CERT1: variants seen among roughly 807,000 people sequenced by gnomAD.
The protein encoded by CERT1 is ceramide transfer protein.
A neutral mutation model predicts 87.9 loss-of-function variants in CERT1; 31 were observed. That is an observed-to-expected ratio of 0.35 (90% CI 0.27 to 0.48). The LOEUF (loss-of-function observed/expected upper bound fraction) is 0.48. CERT1 is among the 20% of genes least tolerant of loss of function. CERT1 has a pLI of 0.99. For missense variants in CERT1, 487 were observed against 758.0 expected (o/e 0.64, Z 4.20); for synonymous variants, 289 against 250.9 (o/e 1.15, Z -1.44).
At chr5:75,429,869 A>G (rs1474841342) in intron 3 of CERT1, among the ~76,000 whole-genome samples, 7 of 152,046 alleles carry the variant, frequency 4.6e-5, no homozygotes, top group African/African-American at 1.7e-4. Context: ...GCAAGGGTAA[A>G]AAGAATAGTA....
chr5:75,449,006 G>A (rs1764668286), intron 3 of CERT1, among the ~76,000 whole-genome samples: 1 of 152,026 alleles, frequency 6.6e-6, no homozygotes, highest in South Asian at 2.1e-4. Context: ...TTGAAAATCT[G>A]GTAAACTCTA....
At chr5:75,381,599 G>C (rs754764225) in intron 15 of CERT1, among the ~76,000 whole-genome samples, 13 of 152,092 alleles carry the variant, frequency 8.5e-5, no homozygotes, top group Non-Finnish European at 1.5e-4. Context: ...CTCTTAAGTA[G>C]TAAATGGAGC....
chr5:75,478,417 T>C (rs1766073807), intron 2 of CERT1, among the ~76,000 whole-genome samples: 1 of 152,168 alleles, frequency 6.6e-6, no homozygotes. Context: ...CAAATTAAGA[T>C]GTCACAGGTG....
intron 2 of CERT1, among the ~76,000 whole-genome samples, chr5:75,463,495 G>T (rs1307108918): frequency 6.6e-6 from 1 of 151,962 alleles, no homozygotes; most frequent in Non-Finnish European, 1.5e-5. Context: ...ATTTCAAAAG[G>T]TGAATAAATC....
At chr5:75,371,250 G>T (rs1412841740) in intron 17 of CERT1, 2 of 152,054 alleles carry the variant, frequency 1.3e-5, no homozygotes, top group Non-Finnish European at 2.9e-5. Context: ...ACACTCCCAA[G>T]GTACTTTAAA....
In CERT1 at chr5:75,402,963, T is replaced by C. The variant is rs752275655; in HGVS notation, c.1017+9A>G. 14 of 1,554,648 alleles carry C rather than the reference T, an allele frequency of 9.0e-6. No individual in the cohort carries two copies. The highest frequency in any genetic ancestry group is 1.7e-4 in the Middle Eastern group (1 of 5,942). On this transcript the variant is annotated intron_variant, in intron 9 of 16. Coordinates refer to ENST00000643780, the MANE Select transcript of CERT1 (RefSeq NM_001379029.1). ...AATTTCAGCTTAGAATTTTCAATAA[T>C]AGATATACCTGTTCTTCTATTTTAT...
intron 5 of CERT1, among the ~76,000 whole-genome samples, chr5:75,422,268 T>C (rs1391823866): frequency 6.6e-6 from 1 of 152,114 alleles, no homozygotes; most frequent in Non-Finnish European, 1.5e-5. Context: ...ACATTAAATC[T>C]TCCTCTCAAA....
intron 3 of CERT1, among the ~76,000 whole-genome samples, chr5:75,430,670 AT>A (rs370637200): frequency 6.6e-5 from 10 of 152,158 alleles, no homozygotes; most frequent in African/African-American, 2.2e-4. Context: ...AAAGAAAAAA[AT>A]GTAAGCTTGT....
intron 2 of CERT1, among the ~76,000 whole-genome samples, chr5:75,476,693 T>G (rs1324636489): frequency 6.6e-6 from 1 of 152,218 alleles, no homozygotes; most frequent in African/African-American, 2.4e-5. Flanking sequence ...AAATGATAAC[T>G]TGTTGGATAT....
intron 3 of CERT1, among the ~76,000 whole-genome samples, chr5:75,437,086 C>T (rs893184968): frequency 2.6e-5 from 4 of 152,136 alleles, no homozygotes; most frequent in African/African-American, 9.7e-5. Context: ...GTAACTGGCC[C>T]AGTATGAAGT....
chr5:75,470,298 C>T (rs541966219), intron 2 of CERT1, among the ~76,000 whole-genome samples: 26 of 152,218 alleles, frequency 1.7e-4, no homozygotes, highest in Admixed American at 1.6e-3. Flanking sequence ...TGTTAGACCA[C>T]AAAACAAATC....
chr5:75,494,861 A>G (rs949063298), intron 2 of CERT1, among the ~76,000 whole-genome samples: 1 of 152,186 alleles, frequency 6.6e-6, no homozygotes, highest in South Asian at 2.1e-4. Flanking sequence ...TCTTTTCTTC[A>G]TAAGAAGATA....
intron 2 of CERT1, among the ~76,000 whole-genome samples, chr5:75,482,177 C>T (rs1190831578): frequency 6.6e-6 from 1 of 152,056 alleles, no homozygotes; most frequent in Non-Finnish European, 1.5e-5. Flanking sequence ...GAAGGGAGCT[C>T]GCTACCCTAA....
intron 3 of CERT1, among the ~76,000 whole-genome samples, chr5:75,452,142 AAAGGG>A (rs1764792892): frequency 6.6e-6 from 1 of 152,192 alleles, no homozygotes; most frequent in African/African-American, 2.4e-5. Context: ...TGGCCTTCAC[AAAGGG>A]TAAGAACAAT....
chr5:75,503,837 ATTTTTTGTTTAAT>A (rs1767501662), intron 2 of CERT1, among the ~76,000 whole-genome samples: 3 of 146,220 alleles, frequency 2.1e-5, no homozygotes, highest in African/African-American at 2.5e-5. Context: ...TAAAATTTAA[ATTTTTTGTTTAAT>A]TTAAATTAAA....
Position 75,511,470 on chromosome 5 carries a change from G to A in CERT1, c.-263C>T, listed in dbSNP as rs1343900032. 9 of 1,513,628 alleles carry A rather than the reference G, an allele frequency of 5.9e-6. No individual in the cohort carries two copies. In the South Asian group the frequency reaches 7.4e-5, roughly 13 times the overall value. The allele number at this position is 1,513,628 out of a possible 1,614,324, so 93.8% of individuals were successfully genotyped here. On this transcript the variant is annotated 5_prime_UTR_variant, in exon 1 of 17. Coordinates refer to ENST00000643780, the MANE Select transcript of CERT1 (RefSeq NM_001379029.1). ...CGCCGCCGCCGTCGCCGTGACCCCT[G>A]CGTTGCGCCCGGCGCTGCCACCCGA...
Position 75,502,736 on chromosome 5 carries a change from T to C in CERT1, c.231+3246A>G, listed in dbSNP as rs1580865015. On this transcript the variant is annotated intron_variant, in intron 2 of 16. Transcript: ENST00000643780. Reference sequence around the variant, plus strand: ...TTAAACTTTTTAATGCCACAAATTATATTTTTTATCATGTGCACTTTATTT... The same window carrying C: ...TTAAACTTTTTAATGCCACAAATTACATTTTTTATCATGTGCACTTTATTT... 2.0e-5 allele frequency among the ~76,000 whole-genome samples: 3 copies of C among 152,146 alleles called. No individual in the cohort carries two copies. The South Asian group carries it at 6.2e-4, about 31-fold the overall frequency.
At chr5:75,449,246 AATAGG>A (rs1255343983) in intron 3 of CERT1, among the ~76,000 whole-genome samples, 1 of 152,356 alleles carries the variant, frequency 6.6e-6, no homozygotes, top group African/African-American at 2.4e-5. Flanking sequence ...AGAAACTAAG[AATAGG>A]ATAGGAGAGC....
intron 2 of CERT1, among the ~76,000 whole-genome samples, chr5:75,499,889 A>G (rs1767265466): frequency 6.6e-6 from 1 of 152,180 alleles, no homozygotes; most frequent in South Asian, 2.1e-4. Context: ...AAATCATATT[A>G]TATGTTCAAG....
Sources: gnomAD v4.1 joint callset for allele counts (sites outside exome capture counted in the v4.1 genomes callset) on GRCh38, gnomAD v4.1.1 for gene constraint, MANE v1.5 for transcripts, NCBI Gene and HGNC (gene_info 2026-07-23, HGNC 2026-07-21) for gene names.